The following FREM3 variants were observed in gnomAD, a reference collection of about 807,000 sequenced individuals.
FREM3 encodes FRAS1-related extracellular matrix protein 3.
A neutral mutation model predicts 129.1 loss-of-function variants in FREM3; 105 were observed. The ratio of observed to expected loss-of-function variants is 0.81; its 90% CI spans 0.69 to 0.96. The LOEUF (loss-of-function observed/expected upper bound fraction) is 0.96, where lower values mean the gene tolerates loss of function less well. Among genes scored for constraint, FREM3 ranks in the 40% least tolerant of loss-of-function variants. The probability of loss-of-function intolerance (pLI) is 0.00; values close to 1 mark genes in which losing one functional copy is unlikely to be tolerated. For missense variants in FREM3, 2,593 were observed against 2,666.3 expected, an observed-to-expected ratio of 0.97 and a Z score of 0.61; for synonymous variants, 1,014 against 1,044.9, an observed-to-expected ratio of 0.97 and a Z score of 0.57.
chr4:143,657,448 A>T (rs1739621840), intron 2 of FREM3, among the ~76,000 whole-genome samples: 3 of 152,194 alleles, frequency 2.0e-5, no homozygotes, highest in Admixed American at 2.0e-4. Flanking sequence ...TTCATTTTGC[A>T]AATCAGGACC....
intron 2 of FREM3, among the ~76,000 whole-genome samples, chr4:143,652,052 C>A: frequency 6.6e-6 from 1 of 151,968 alleles, no homozygotes; most frequent in African/African-American, 2.4e-5. Flanking sequence ...ATGTTACACG[C>A]TGCCAGTTTC....
chr4:143,656,964 A>C (rs756314790), intron 2 of FREM3, among the ~76,000 whole-genome samples: 1 of 152,234 alleles, frequency 6.6e-6, no homozygotes, highest in East Asian at 1.9e-4. Flanking sequence ...ACAACATAGA[A>C]CATAAAATAA....
chr4:143,587,121 C>T (rs1738256197), intron 6 of FREM3, among the ~76,000 whole-genome samples: 1 of 152,162 alleles, frequency 6.6e-6, no homozygotes, highest in African/African-American at 2.4e-5. Flanking sequence ...CTCTCCTGTC[C>T]TGGTTATGCC....
chr4:143,637,131 G>T (rs1739245506), intron 2 of FREM3, among the ~76,000 whole-genome samples: 1 of 152,130 alleles, frequency 6.6e-6, no homozygotes. Context: ...CTTAGCAATT[G>T]TCACATAGTG....
chr4:143,650,456 A>C (rs1739490850), intron 2 of FREM3, among the ~76,000 whole-genome samples: 1 of 152,178 alleles, frequency 6.6e-6, no homozygotes, highest in South Asian at 2.1e-4. Context: ...CCAGTTGACG[A>C]GTCTTCTGTG....
intron 6 of FREM3, among the ~76,000 whole-genome samples, chr4:143,593,314 A>C (rs1486520827): frequency 1.3e-5 from 2 of 151,976 alleles, no homozygotes; most frequent in Non-Finnish European, 2.9e-5. Context: ...AGGTGCTCTG[A>C]TTTTTAGAGT....
rs1357888996 is a variant in FREM3, at chr4:143,696,952, T to A, written c.3724A>T (p.Ile1242Leu). Residue 1242 changes from isoleucine (I) to leucine (L), a missense_variant, in exon 1 of 8, where the codon ATA becomes TTA. Coordinates refer to ENST00000329798, the MANE Select transcript of FREM3 (RefSeq NM_001168235.2). Reference sequence around the variant, plus strand: ...TGGCTGCCTGTAGCCAGCTGCTGTATGATTCGTCCATGCCGAGGGAGGGCT... The same window carrying A: ...TGGCTGCCTGTAGCCAGCTGCTGTAAGATTCGTCCATGCCGAGGGAGGGCT... ...LTALPRHGRI[I>L]QQLATGSQPI... 6.5e-7 allele frequency: 1 copy of A among 1,537,724 alleles called. No individual in the cohort carries two copies.
intron 1 of FREM3, among the ~76,000 whole-genome samples, chr4:143,693,974 C>T (rs1290596599): frequency 1.3e-5 from 2 of 151,840 alleles, no homozygotes; most frequent in African/African-American, 2.4e-5. Context: ...ATGAAAGGAA[C>T]AATCAACAGT....
chr4:143,651,400 G>A (rs1739507241), intron 2 of FREM3, among the ~76,000 whole-genome samples: 1 of 152,174 alleles, frequency 6.6e-6, no homozygotes, highest in African/African-American at 2.4e-5. Flanking sequence ...CATTACAAAA[G>A]ACCGAAATCC....
chr4:143,625,944 T>C lies in FREM3; in HGVS notation c.5423-1606A>G, dbSNP rs572359531. On this transcript the variant is annotated intron_variant, in intron 3 of 7. Coordinates refer to ENST00000329798, the MANE Select transcript of FREM3 (RefSeq NM_001168235.2). Reference sequence around the variant, plus strand: ...CTCAAACACATCGTGAGATGGATAATTTACTTACACATAAGGAAACTGAAC... The same window carrying C: ...CTCAAACACATCGTGAGATGGATAACTTACTTACACATAAGGAAACTGAAC... Among the ~76,000 whole-genome samples, 46 of 152,312 alleles carry C rather than the reference T, an allele frequency of 3.0e-4. No homozygotes were observed. In the South Asian group the frequency reaches 7.7e-3, roughly 25 times the overall value.
chr4:143,677,428 G>A (rs1338231997), intron 2 of FREM3, among the ~76,000 whole-genome samples: 1 of 151,956 alleles, frequency 6.6e-6, no homozygotes, highest in Non-Finnish European at 1.5e-5. Context: ...TAAACCAAAA[G>A]CCATAAAAAC....
Position 143,699,639 on chromosome 4 carries a change from A to G in FREM3, c.1037T>C (p.Ile346Thr). The G allele has an allele frequency of 2.0e-6, 3 of 1,530,856 alleles. No homozygotes were observed. The highest frequency in any genetic ancestry group is 2.6e-6 in the Non-Finnish European group (3 of 1,142,900). 94.8% of individuals were successfully genotyped at this position (1,530,856 alleles called of 1,614,324 possible). A position where few individuals can be genotyped will look rare whatever the true frequency, so the allele number is the denominator to read the frequency against. ...ESDPGDLVFNILNAPTHPPGH... is the reference protein window; with the variant it reads ...ESDPGDLVFNTLNAPTHPPGH... Reference sequence around the variant, plus strand: ...TGGTGGGTGAGTGGGGGCGTTCAGAATGTTGAACACCAGGTCACCAGGGTC... The same window carrying G: ...TGGTGGGTGAGTGGGGGCGTTCAGAGTGTTGAACACCAGGTCACCAGGGTC... The change falls in exon 1 of 8, where the codon ATT becomes ACT. Residue 346 changes from isoleucine (I) to threonine (T), a missense_variant. By Grantham distance (89) the Ile-to-Thr change is moderately conservative. Transcript: ENST00000329798. This position sits in a 1 kb window ranked among gnomAD's most constrained non-coding sequence, Gnocchi z 4.2.
intron 2 of FREM3, among the ~76,000 whole-genome samples, chr4:143,665,775 A>G (rs978830330): frequency 2.4e-4 from 36 of 152,294 alleles, no homozygotes; most frequent in African/African-American, 7.0e-4. Flanking sequence ...GTAGAAGTTG[A>G]TTGATTAAAT....
At chr4:143,664,691 G>A (rs1257423621) in intron 2 of FREM3, among the ~76,000 whole-genome samples, 1 of 152,172 alleles carries the variant, frequency 6.6e-6, no homozygotes, top group African/African-American at 2.4e-5. Context: ...GCCCCCAGAG[G>A]TGGAGCCTAC....
At position 143,698,593 on chromosome 4, in the gene FREM3, C is replaced by G; in HGVS notation, c.2083G>C (p.Val695Leu). The G allele has an allele frequency of 6.5e-7, 1 of 1,537,730 alleles. No homozygotes were observed. Among genetic ancestry groups the G allele is most frequent in the Middle Eastern group, 1.7e-4 (1 of 5,994 alleles). Residue 695 changes from valine to leucine, a missense_variant, in exon 1 of 8, where the codon GTC becomes CTC. By Grantham distance (32) the Val-to-Leu change is conservative (BLOSUM62 1). Transcript: ENST00000329798. ...GGACTCAGTATATCCACTGGTTGGACCTTGATGGTGAAAATGTGCTGTTTG... is the reference window on the plus strand; with the variant it reads ...GGACTCAGTATATCCACTGGTTGGAGCTTGATGGTGAAAATGTGCTGTTTG... ...LSKQHIFTIK[V>L]QPVDILSPQL...
intron 6 of FREM3, among the ~76,000 whole-genome samples, chr4:143,609,298 G>A (rs79684943): frequency 0.01 from 1,580 of 152,234 alleles, 12 homozygotes; most frequent in Non-Finnish European, 0.014. Flanking sequence ...GAAGAATAAC[G>A]AAGACTGTTC....
chr4:143,639,444 C>T (rs528746994), intron 2 of FREM3, among the ~76,000 whole-genome samples: 47 of 152,234 alleles, frequency 3.1e-4, no homozygotes, highest in African/African-American at 1.1e-3. Flanking sequence ...GTTTCCCCAT[C>T]CCTCAGATGA....
chr4:143,618,997 T>C (rs1266234555), intron 5 of FREM3, among the ~76,000 whole-genome samples: 1 of 152,182 alleles, frequency 6.6e-6, no homozygotes, highest in East Asian at 1.9e-4. Context: ...AGCTTCCTTA[T>C]AGATAACATC....
At chr4:143,601,025 A>C (rs1301618161) in intron 6 of FREM3, among the ~76,000 whole-genome samples, 1 of 145,718 alleles carries the variant, frequency 6.9e-6, no homozygotes, top group Non-Finnish European at 1.5e-5. Flanking sequence ...CGTTAACTTT[A>C]AACTAAAAAA....
Sources: gnomAD v4.1 joint callset for allele counts (sites outside exome capture counted in the v4.1 genomes callset) on GRCh38, gnomAD v4.1.1 for gene constraint, Gnocchi (gnomAD v3.1) non-coding constraint, MANE v1.5 for transcripts, NCBI Gene and HGNC (gene_info 2026-07-23, HGNC 2026-07-21) for gene names.